LRBA: variants seen among roughly 807,000 people sequenced by gnomAD.
The protein encoded by LRBA is LPS responsive beige-like anchor protein.
LRBA carries 176 observed loss-of-function variants against 330.0 expected under a neutral mutation model. The observed-to-expected ratio is 0.53, with a 90% CI of 0.47 to 0.60. The LOEUF (loss-of-function observed/expected upper bound fraction) is 0.60, where lower values mean the gene tolerates loss of function less well. LRBA is among the 20% of genes least tolerant of loss of function. The pLI is 0.00. For synonymous variants in LRBA, 1,230 were observed against 1,193.0 expected, an observed-to-expected ratio of 1.03 and a Z score of -0.64; for missense variants, 3,259 against 3,444.8, an observed-to-expected ratio of 0.95 and a Z score of 1.35.
At chr4:150,322,534 A>G (rs1428008769) in intron 49 of LRBA, among the ~76,000 whole-genome samples, 1 of 152,240 alleles carries the variant, frequency 6.6e-6, no homozygotes, top group African/African-American at 2.4e-5. Context: ...GGAGGCACAT[A>G]TATTTAACAC....
At chr4:150,430,987 G>GA (rs895133321) in intron 46 of LRBA, among the ~76,000 whole-genome samples, 1 of 88,492 alleles carries the variant, frequency 1.1e-5, no homozygotes, top group Non-Finnish European at 3.4e-5. Flanking sequence ...AACCTCAAGA[G>GA]AAGGGGAAAA....
At chr4:150,655,454 T>C (rs1455085517) in intron 37 of LRBA, among the ~76,000 whole-genome samples, 2 of 152,214 alleles carry the variant, frequency 1.3e-5, no homozygotes, top group Admixed American at 1.3e-4. Flanking sequence ...CACCAAATCT[T>C]TAAGACAGAT....
intron 30 of LRBA, among the ~76,000 whole-genome samples, chr4:150,821,281 T>C (rs1280229107): frequency 1.3e-5 from 2 of 152,018 alleles, no homozygotes; most frequent in Non-Finnish European, 2.9e-5. Context: ...AAAATTGTTC[T>C]TATTATCATT....
chr4:150,489,273 A>G (rs1228545660), intron 41 of LRBA, among the ~76,000 whole-genome samples: 4 of 58,816 alleles, frequency 6.8e-5, no homozygotes, highest in African/African-American at 2.9e-4. Flanking sequence ...AGAATATATA[A>G]TATATTATAT....
chr4:150,828,557 T>A lies in LRBA; in HGVS notation c.4794A>T (p.Ser1598=), dbSNP rs1746631195. ...TASVEESEST[S]SARRRDSGIG... The stretch of plus-strand genomic sequence containing the variant: ...TGCCTGAGTCCCTCCTTCGAGCAGA[T>A]GATGTGCTTTCAGATTCTTCCACTG... The change falls in exon 30 of 57, where the codon TCA becomes TCT. Residue 1598 remains serine, a synonymous_variant. Transcript: ENST00000651943. 6.2e-7 allele frequency: 1 copy of A among 1,614,124 alleles called. No homozygotes were observed. The highest frequency in any genetic ancestry group is 8.5e-7 in the Non-Finnish European group (1 of 1,179,996).
intron 35 of LRBA, among the ~76,000 whole-genome samples, chr4:150,758,727 C>A (rs536301918): frequency 6.6e-6 from 1 of 151,950 alleles, no homozygotes; most frequent in Non-Finnish European, 1.5e-5. Flanking sequence ...GTGCATGCCA[C>A]CATACCCAAC....
intron 37 of LRBA, among the ~76,000 whole-genome samples, chr4:150,606,790 A>G (rs1774679954): frequency 6.6e-6 from 1 of 152,216 alleles, no homozygotes; most frequent in Admixed American, 6.5e-5. Flanking sequence ...TGATCAAAGT[A>G]CTAATTAACC....
intron 44 of LRBA, among the ~76,000 whole-genome samples, chr4:150,461,397 G>C (rs931920919): frequency 2.0e-5 from 3 of 151,796 alleles, no homozygotes; most frequent in African/African-American, 7.2e-5. Context: ...AATATGCACA[G>C]TGATGGTTTC....
At chr4:150,521,459 T>C (rs909091619) in intron 40 of LRBA, among the ~76,000 whole-genome samples, 1 of 152,192 alleles carries the variant, frequency 6.6e-6, no homozygotes, top group Non-Finnish European at 1.5e-5. Context: ...TTCACTGTGT[T>C]GCCTGGTCTG....
rs1738073304 is a variant in LRBA at position 150,960,976 on chromosome 4, A to C, written c.217-31911T>G. On this transcript the variant is annotated intron_variant, in intron 2 of 56. Transcript: ENST00000651943. ...ATATGTAAGTCACCTCAAAACAGTA[A>C]CAGTGCTCTCAAGCTGCCTCAGGGA... Among the ~76,000 whole-genome samples the C allele has an allele frequency of 2.0e-5, 3 of 149,246 alleles. No individual in the cohort carries two copies. The South Asian group carries it at 6.2e-4, about 31-fold the overall frequency.
At chr4:150,355,057 A>G (rs1233476614) in intron 47 of LRBA, among the ~76,000 whole-genome samples, 1 of 151,982 alleles carries the variant, frequency 6.6e-6, no homozygotes, top group Admixed American at 6.6e-5. Flanking sequence ...TTCTTTATAA[A>G]AAGTGTTATA....
intron 37 of LRBA, among the ~76,000 whole-genome samples, chr4:150,637,058 A>G (rs962695260): frequency 2.0e-5 from 3 of 152,124 alleles, no homozygotes; most frequent in East Asian, 1.9e-4. Context: ...TCTTCTTTTC[A>G]TCTTACGTGT....
At position 150,388,473 on chromosome 4, in the gene LRBA, C is replaced by G; in HGVS notation, c.7194+26965G>C. 1.3e-5 allele frequency among the ~76,000 whole-genome samples: 2 copies of G among 152,166 alleles called. 1 individual carries two copies. The highest frequency in any genetic ancestry group is 2.9e-5 in the Non-Finnish European group (2 of 68,030). On this transcript the variant is annotated intron_variant, in intron 47 of 56. Coordinates refer to ENST00000651943, the MANE Select transcript of LRBA (RefSeq NM_001364905.1). ...GTTCAAAGTCTCATCTAAATATCAT[C>G]TAACTCAGACATGGGTGAAACTTGA... is the stretch of plus-strand genomic sequence containing the variant.
intron 36 of LRBA, among the ~76,000 whole-genome samples, chr4:150,717,820 C>T (rs373378345): frequency 5.7e-4 from 86 of 151,776 alleles, no homozygotes; most frequent in African/African-American, 2.1e-3. Flanking sequence ...GTGAGTTCTA[C>T]AGTATGTTAG....
Position 150,851,975 on chromosome 4 carries a change from AT to A in LRBA, c.3734del (p.Asp1245ValfsTer14). On this transcript the variant is annotated frameshift_variant, in exon 23 of 57. Coordinates refer to ENST00000651943, the MANE Select transcript of LRBA (RefSeq NM_001364905.1). LOFTEE classifies it high-confidence loss of function. ...CAGTATCTGTAGCAACATTGGAAAC[AT>A]CCAACTTCGCAATCTTTTGCTCAGA... Reference protein sequence around the residue: ...ASSEQKIAKLDVSNVATDTER... With the variant: ...ASSEQKIAKLXVSNVATDTER... 6.2e-7 allele frequency: 1 copy of A among 1,614,176 alleles called. No individual in the cohort carries two copies. Among genetic ancestry groups the A allele is most frequent in the Non-Finnish European group, 8.5e-7 (1 of 1,180,006 alleles).
At chr4:150,484,924 T>C (rs1242705357) in intron 42 of LRBA, among the ~76,000 whole-genome samples, 1 of 151,978 alleles carries the variant, frequency 6.6e-6, no homozygotes, top group Non-Finnish European at 1.5e-5. Context: ...TAGAAGCGCA[T>C]TAATTTCCAA....
At chr4:150,331,282 C>T (rs1733960660) in intron 48 of LRBA, among the ~76,000 whole-genome samples, 1 of 152,136 alleles carries the variant, frequency 6.6e-6, no homozygotes, top group Non-Finnish European at 1.5e-5. Flanking sequence ...TGTGAAATAA[C>T]AGGAAACATA....
At chr4:150,560,183 G>A (rs569604048) in intron 40 of LRBA, among the ~76,000 whole-genome samples, 2 of 151,098 alleles carry the variant, frequency 1.3e-5, no homozygotes, top group South Asian at 2.1e-4. Context: ...AGTGGTGTGT[G>A]TATTATATAC....
chr4:150,772,931 C>T (rs1736782220), intron 34 of LRBA, among the ~76,000 whole-genome samples: 1 of 152,138 alleles, frequency 6.6e-6, no homozygotes, highest in African/African-American at 2.4e-5. Flanking sequence ...GAGTCTACAG[C>T]CATACCACCC....
Sources: gnomAD v4.1 joint callset for allele counts (sites outside exome capture counted in the v4.1 genomes callset) on GRCh38, gnomAD v4.1.1 for gene constraint, MANE v1.5 for transcripts, NCBI Gene and HGNC (gene_info 2026-07-23, HGNC 2026-07-21) for gene names.